Variants in KIRREL3 observed in about 807,000 individuals in gnomAD.
KIRREL3 encodes the protein kirre like nephrin family adhesion molecule 3.
A neutral mutation model predicts 89.7 loss-of-function variants in KIRREL3; 36 were observed. The ratio of observed to expected loss-of-function variants is 0.40; its 90% CI spans 0.31 to 0.53. KIRREL3 has a LOEUF of 0.53. Among genes scored for constraint, KIRREL3 ranks in the 20% least tolerant of loss-of-function variants. The pLI is 0.49. For synonymous variants in KIRREL3, 445 were observed against 441.4 expected, an observed-to-expected ratio of 1.01 and a Z score of -0.10; for missense variants, 864 against 1,056.6, an observed-to-expected ratio of 0.82 and a Z score of 2.53.
In KIRREL3 at chr11:126,969,412, A is replaced by G. The variant is rs1174684128; in HGVS notation, c.55+31043T>C. Among the ~76,000 whole-genome samples, 2 of 152,034 alleles carry G rather than the reference A, an allele frequency of 1.3e-5. No individual in the cohort carries two copies. Among genetic ancestry groups the G allele is most frequent in the African/African-American group, 4.8e-5 (2 of 41,388 alleles). ...GAGGTAAGTTTGGGGTGCTATGGGA[A>G]CTCAGAGGAGGGAAAAAAGCCACTG... On this transcript the variant is annotated intron_variant, in intron 1 of 16. Coordinates refer to ENST00000525144, the MANE Select transcript of KIRREL3 (RefSeq NM_032531.4). This position sits in a 1 kb window ranked among gnomAD's most constrained non-coding sequence, Gnocchi z 4.9.
rs73633781 is a variant in KIRREL3 at position 126,535,612 on chromosome 11, A to G, written c.134-8925T>C. Among the ~76,000 whole-genome samples the G allele has an allele frequency of 0.14, 21,510 of 151,956 alleles. 1,707 individuals are homozygous for G. The highest frequency in any genetic ancestry group is 0.2 in the Middle Eastern group (60 of 294). On this transcript the variant is annotated intron_variant, in intron 2 of 16. Coordinates refer to ENST00000525144, the MANE Select transcript of KIRREL3 (RefSeq NM_032531.4). The surrounding 1 kb of genome is among the most constrained non-coding windows in gnomAD (Gnocchi z 4.5). ...GTGTGTGCACGTGGGTGTGTTTGTC[A>G]GATTAACTGAATTGGCCTCAACCCC...
rs1200129997 is a variant in KIRREL3, at chr11:126,429,596, T to C, written c.1697-308A>G. On this transcript the variant is annotated intron_variant, in intron 14 of 16. Coordinates refer to ENST00000525144, the MANE Select transcript of KIRREL3 (RefSeq NM_032531.4). This position sits in a 1 kb window ranked among gnomAD's most constrained non-coding sequence, Gnocchi z 5.2. ...GCCTTACTGAGCTAGGTCCTTTTCA[T>C]CCTACTGAATTCTCACTTCCTTCTA... Among the ~76,000 whole-genome samples the C allele has an allele frequency of 6.6e-6, 1 of 152,228 alleles. No homozygotes were observed. Among genetic ancestry groups the C allele is most frequent in the African/African-American group, 2.4e-5 (1 of 41,454 alleles).
At position 126,642,534 on chromosome 11, in the gene KIRREL3, G is replaced by A. The variant is rs994561672; in HGVS notation, c.56-79622C>T. On this transcript the variant is annotated intron_variant, in intron 1 of 16. Coordinates refer to ENST00000525144, the MANE Select transcript of KIRREL3 (RefSeq NM_032531.4). This position sits in a 1 kb window ranked among gnomAD's most constrained non-coding sequence, Gnocchi z 4.9. ...ATCCCCTTTCCTCTGCCTTTTCCAA[G>A]CAAACTCTTACTCTAGGAAATACAT... Among the ~76,000 whole-genome samples, 1 of 152,170 alleles carries A rather than the reference G, an allele frequency of 6.6e-6. No homozygotes were observed. The highest frequency in any genetic ancestry group is 1.5e-5 in the Non-Finnish European group (1 of 68,036).
intron 1 of KIRREL3, among the ~76,000 whole-genome samples, chr11:126,919,870 A>G (rs915707612): frequency 1.3e-5 from 2 of 152,220 alleles, no homozygotes; most frequent in Non-Finnish European, 2.9e-5. Context: ...ACAATAGTGT[A>G]ACTGCACTAC....
chr11:126,784,535 GA>G (rs1350660388), intron 1 of KIRREL3, among the ~76,000 whole-genome samples: 2 of 152,046 alleles, frequency 1.3e-5, no homozygotes, highest in Non-Finnish European at 2.9e-5. Context: ...CTTGTGCAGT[GA>G]ACAACCTGTA....
chr11:126,698,925 G>A (rs950610914), intron 1 of KIRREL3, among the ~76,000 whole-genome samples: 19 of 152,208 alleles, frequency 1.2e-4, no homozygotes, highest in African/African-American at 3.4e-4. Flanking sequence ...CTTGCTCCAC[G>A]GGCAGGAGCT....
At chr11:126,881,946 G>A (rs1592274972) in intron 1 of KIRREL3, among the ~76,000 whole-genome samples, 1 of 152,304 alleles carries the variant, frequency 6.6e-6, no homozygotes, top group East Asian at 1.9e-4. Context: ...TGCTTGCAGG[G>A]ATACAAGGCC....
Position 126,909,942 on chromosome 11 carries a change from G to A in KIRREL3, c.55+90513C>T, listed in dbSNP as rs1049939313. ...GACCCTGTATTAACTGAAGATGACA[G>A]GGAGCGAGGGATGGAAAGCGGGCAA... On this transcript the variant is annotated intron_variant, in intron 1 of 16. Transcript: ENST00000525144. The surrounding 1 kb of genome is among the most constrained non-coding windows in gnomAD (Gnocchi z 4.5). Among the ~76,000 whole-genome samples the A allele has an allele frequency of 3.9e-5, 6 of 152,154 alleles. No individual in the cohort carries two copies. The highest frequency in any genetic ancestry group is 7.2e-5 in the African/African-American group (3 of 41,430).
chr11:126,853,941 C>T (rs1156651445), intron 1 of KIRREL3, among the ~76,000 whole-genome samples: 1 of 152,104 alleles, frequency 6.6e-6, no homozygotes, highest in African/African-American at 2.4e-5. Flanking sequence ...GACTGATCTT[C>T]AAGGTTAATT....
At chr11:126,451,616 G>C (rs958982484) in intron 7 of KIRREL3, among the ~76,000 whole-genome samples, 1 of 150,866 alleles carries the variant, frequency 6.6e-6, no homozygotes, top group Non-Finnish European at 1.5e-5. Context: ...GTGCATGTGT[G>C]CATGTGTGTC....
At position 126,704,398 on chromosome 11, in the gene KIRREL3, C is replaced by A. The variant is rs1325730151; in HGVS notation, c.56-141486G>T. ...GGGGCCGGGAAGAAGTGAGTACTAG[C>A]AGAACAGAGGCTTGCAAAAGACTGC... On this transcript the variant is annotated intron_variant, in intron 1 of 16. Coordinates refer to ENST00000525144, the MANE Select transcript of KIRREL3 (RefSeq NM_032531.4). The surrounding 1 kb of genome is among the most constrained non-coding windows in gnomAD (Gnocchi z 4.2). 6.6e-6 allele frequency among the ~76,000 whole-genome samples: 1 copy of A among 152,122 alleles called. No homozygotes were observed. The highest frequency in any genetic ancestry group is 1.5e-5 in the Non-Finnish European group (1 of 68,022).
chr11:126,767,220 A>G (rs1417025855), intron 1 of KIRREL3, among the ~76,000 whole-genome samples: 1 of 152,240 alleles, frequency 6.6e-6, no homozygotes, highest in Non-Finnish European at 1.5e-5. Context: ...TTCCTACCTG[A>G]CATCCCGCCC....
chr11:126,433,142 G>A (rs913668542), intron 13 of KIRREL3, among the ~76,000 whole-genome samples: 1 of 152,202 alleles, frequency 6.6e-6, no homozygotes, highest in Non-Finnish European at 1.5e-5. Flanking sequence ...GCCTCCGAAA[G>A]TGCTGGGATT....
Position 126,872,173 on chromosome 11 carries a change from T to C in KIRREL3, c.55+128282A>G, listed in dbSNP as rs2134672514. On this transcript the variant is annotated intron_variant, in intron 1 of 16. Coordinates refer to ENST00000525144, the MANE Select transcript of KIRREL3 (RefSeq NM_032531.4). This position sits in a 1 kb window ranked among gnomAD's most constrained non-coding sequence, Gnocchi z 4.2. ...AGTGACCTCTAGTTGTCCTTACTGCTCATTAACATAAAAAGATACTTCTAG... is the reference window on the plus strand; with the variant it reads ...AGTGACCTCTAGTTGTCCTTACTGCCCATTAACATAAAAAGATACTTCTAG... Among the ~76,000 whole-genome samples the C allele has an allele frequency of 6.6e-6, 1 of 152,326 alleles. No individual in the cohort carries two copies. The highest frequency in any genetic ancestry group is 6.5e-5 in the Admixed American group (1 of 15,308).
chr11:126,952,829 A>T (rs988719947), intron 1 of KIRREL3, among the ~76,000 whole-genome samples: 12 of 152,364 alleles, frequency 7.9e-5, no homozygotes, highest in Non-Finnish European at 1.8e-4. Context: ...AAAGTCAGGA[A>T]ACAACAGATG....
At chr11:126,517,420 T>C (rs1161333596) in intron 4 of KIRREL3, among the ~76,000 whole-genome samples, 4 of 151,772 alleles carry the variant, frequency 2.6e-5, no homozygotes, top group African/African-American at 9.7e-5. Context: ...CACATGTGCA[T>C]GGGGGTCCTC....
intron 1 of KIRREL3, among the ~76,000 whole-genome samples, chr11:126,866,010 C>T (rs1487195622): frequency 6.6e-6 from 1 of 152,166 alleles, no homozygotes; most frequent in African/African-American, 2.4e-5. Flanking sequence ...GCTCCCAATA[C>T]ACAGGGAAGG....
In KIRREL3 at chr11:126,566,261, A is replaced by C. The variant is rs1478964232; in HGVS notation, c.56-3349T>G. On this transcript the variant is annotated intron_variant, in intron 1 of 16. Coordinates refer to ENST00000525144, the MANE Select transcript of KIRREL3 (RefSeq NM_032531.4). This position sits in a 1 kb window ranked among gnomAD's most constrained non-coding sequence, Gnocchi z 4.9. ...GTCCCAGGAACAAGGAAGGTTTAGG[A>C]ATACCACCTGTGCAAGGAAAAATGG... 6.6e-6 allele frequency among the ~76,000 whole-genome samples: 1 copy of C among 152,214 alleles called. No homozygotes were observed. The highest frequency in any genetic ancestry group is 2.4e-5 in the African/African-American group (1 of 41,458).
chr11:126,731,905 T>C (rs3862639), intron 1 of KIRREL3, among the ~76,000 whole-genome samples: 133,349 of 152,316 alleles, frequency 0.88, 58,478 homozygotes, highest in East Asian at 1. Flanking sequence ...ACGCTGGAAA[T>C]AGTAGCTACT....
Sources: allele counts gnomAD v4.1 joint callset (sites outside exome capture counted in the v4.1 genomes callset), GRCh38; gene constraint gnomAD v4.1.1; non-coding constraint Gnocchi (gnomAD v3.1); transcripts MANE v1.5; gene names NCBI Gene and HGNC (gene_info 2026-07-23, HGNC 2026-07-21).